MARCHF8: variants seen among roughly 807,000 people sequenced by gnomAD.
MARCHF8 encodes the protein E3 ubiquitin-protein ligase MARCHF8.
In MARCHF8, 40 loss-of-function variants were observed where a neutral mutation model predicts 51.6. The observed-to-expected ratio is 0.77, with a 90% CI of 0.60 to 1.01. The LOEUF is 1.01. Among genes scored for constraint, MARCHF8 ranks in the 50% least tolerant of loss-of-function variants. MARCHF8 has a pLI of 0.00. For synonymous variants in MARCHF8, 263 were observed against 280.3 expected, an observed-to-expected ratio of 0.94 and a Z score of 0.62; for missense variants, 685 against 708.6, an observed-to-expected ratio of 0.97 and a Z score of 0.38.
intron 1 of MARCHF8, among the ~76,000 whole-genome samples, chr10:45,569,628 C>T (rs2044406372): frequency 6.6e-6 from 1 of 152,070 alleles, no homozygotes; most frequent in Admixed American, 6.6e-5. Context: ...GAGGGCAGAG[C>T]GTCACCTTAT....
At chr10:45,496,375 T>C (rs2043175387) in intron 2 of MARCHF8, among the ~76,000 whole-genome samples, 1 of 152,104 alleles carries the variant, frequency 6.6e-6, no homozygotes, top group Non-Finnish European at 1.5e-5. Context: ...TTAATAGTAA[T>C]ACAAGATAAG....
chr10:45,521,512 G>C (rs969516468), intron 2 of MARCHF8, among the ~76,000 whole-genome samples: 2 of 152,192 alleles, frequency 1.3e-5, no homozygotes, highest in African/African-American at 4.8e-5. Flanking sequence ...TGAAAATGGA[G>C]TCGTTAAAAC....
upstream of MARCHF8, among the ~76,000 whole-genome samples, chr10:45,537,180 G>C (rs1420679981): frequency 2.0e-5 from 3 of 152,064 alleles, no homozygotes; most frequent in East Asian, 5.8e-4. Flanking sequence ...ATGAAAACTT[G>C]TCCATGAATG....
intron 2 of MARCHF8, among the ~76,000 whole-genome samples, chr10:45,509,691 GGCTTACA>G (rs138508304): frequency 6.6e-6 from 1 of 152,298 alleles, no homozygotes; most frequent in Non-Finnish European, 1.5e-5. Flanking sequence ...TGGAAAAACT[GGCTTACA>G]GAGTTCCCAG....
intron 1 of MARCHF8, among the ~76,000 whole-genome samples, chr10:45,566,562 TG>T (rs2044367013): frequency 6.6e-6 from 1 of 152,206 alleles, no homozygotes; most frequent in Non-Finnish European, 1.5e-5. Flanking sequence ...CTTAACATAA[TG>T]ATCTCCAGTT....
At chr10:45,536,149 C>T (rs2043967526), upstream of MARCHF8, among the ~76,000 whole-genome samples, 1 of 151,958 alleles carries the variant, frequency 6.6e-6, no homozygotes, top group African/African-American at 2.4e-5. Context: ...TTCCAGATTG[C>T]AAAACTTACA....
intron 2 of MARCHF8, among the ~76,000 whole-genome samples, chr10:45,512,606 G>A (rs1369469104): frequency 4.0e-5 from 6 of 149,254 alleles, no homozygotes; most frequent in South Asian, 2.1e-4. Flanking sequence ...GAGGTGGGGG[G>A]GTCAGCCCCC....
Position 45,463,135 on chromosome 10 carries a change from T to G in MARCHF8, c.1088+16A>C. On this transcript the variant is annotated intron_variant, in intron 5 of 7. Transcript: ENST00000453424. ...CGAGCAGAGATGGCTAGAATGGCAC[T>G]TCCTGGCAAACCAACCTGCAGACAT... The G allele has an allele frequency of 6.5e-7, 1 of 1,542,738 alleles. No individual in the cohort carries two copies. The highest frequency in any genetic ancestry group is 8.8e-7 in the Non-Finnish European group (1 of 1,142,350).
chr10:45,499,855 A>T (rs1050115067), intron 2 of MARCHF8, among the ~76,000 whole-genome samples: 3 of 152,210 alleles, frequency 2.0e-5, no homozygotes, highest in African/African-American at 7.2e-5. Flanking sequence ...TAAGTTTTGA[A>T]GTCAGGGAGC....
At chr10:45,496,730 G>C (rs1323678622) in intron 2 of MARCHF8, among the ~76,000 whole-genome samples, 1 of 151,658 alleles carries the variant, frequency 6.6e-6, no homozygotes, top group Non-Finnish European at 1.5e-5. Flanking sequence ...ATGTCTTACA[G>C]GAATTAAATC....
intron 3 of MARCHF8, among the ~76,000 whole-genome samples, chr10:45,470,710 A>C (rs1362935293): frequency 6.6e-6 from 1 of 152,114 alleles, no homozygotes; most frequent in Non-Finnish European, 1.5e-5. Context: ...CTGCCCTCCC[A>C]CTTCCAAACT....
At chr10:45,462,184 G>A (rs1001013148) in intron 5 of MARCHF8, 1 of 152,264 alleles carries the variant, frequency 6.6e-6, no homozygotes, top group Admixed American at 6.5e-5. Context: ...TTAGTGAGGG[G>A]ATCTCTGATC....
At chr10:45,531,604 GA>G (rs36037254) in intron 2 of MARCHF8, among the ~76,000 whole-genome samples, 9,382 of 152,184 alleles carry the variant, frequency 0.062, 328 homozygotes, top group Non-Finnish European at 0.066. Context: ...ACAGTGACAT[GA>G]CCCATATCAC....
intron 1 of MARCHF8, among the ~76,000 whole-genome samples, chr10:45,546,781 C>CAAA (rs35226792): frequency 8.9e-6 from 1 of 112,620 alleles, no homozygotes; most frequent in Non-Finnish European, 1.9e-5. Flanking sequence ...GAACCTGTCT[C>CAAA]AAAAAAAAAA....
chr10:45,474,831 C>T (rs1439100515), intron 3 of MARCHF8, among the ~76,000 whole-genome samples: 1 of 152,106 alleles, frequency 6.6e-6, no homozygotes, highest in East Asian at 1.9e-4. Flanking sequence ...GCGAGCGATC[C>T]CCAGCGGTCC....
intron 1 of MARCHF8, among the ~76,000 whole-genome samples, chr10:45,580,433 T>C (rs1177883445): frequency 2.0e-5 from 3 of 152,144 alleles, no homozygotes; most frequent in Non-Finnish European, 2.9e-5. Context: ...CCCCTCACCA[T>C]CTGTGAACTA....
Position 45,588,129 on chromosome 10 carries a change from A to C in MARCHF8, c.-79+6106T>G, listed in dbSNP as rs548462931. On this transcript the variant is annotated intron_variant, in intron 1 of 6. Coordinates refer to the MARCHF8 transcript ENST00000319836. ...CACACAATATTTCAGCTATCCTTAC[A>C]TGCTAATAAATATATTTTTTCATTT... Among the ~76,000 whole-genome samples the C allele has an allele frequency of 2.6e-5, 4 of 152,014 alleles. No individual in the cohort carries two copies. In the South Asian group the frequency reaches 8.3e-4, roughly 32 times the overall value.
intron 1 of MARCHF8, among the ~76,000 whole-genome samples, chr10:45,585,272 A>C (rs1312315012): frequency 6.6e-6 from 1 of 152,182 alleles, no homozygotes; most frequent in African/African-American, 2.4e-5. Context: ...CCAAGAGCAT[A>C]AAAAGACATG....
chr10:45,572,399 G>A (rs1472265274), intron 1 of MARCHF8, among the ~76,000 whole-genome samples: 1 of 151,904 alleles, frequency 6.6e-6, no homozygotes, highest in African/African-American at 2.4e-5. Context: ...GTGTTCTCAA[G>A]AACTTAAAAC....
Sources: allele counts gnomAD v4.1 joint callset (sites outside exome capture counted in the v4.1 genomes callset), GRCh38; gene constraint gnomAD v4.1.1; transcripts MANE v1.5; gene names NCBI Gene and HGNC (gene_info 2026-07-23, HGNC 2026-07-21).